ACADSB: variants seen among roughly 807,000 people sequenced by gnomAD.
The protein encoded by ACADSB is short/branched chain specific acyl-CoA dehydrogenase, mitochondrial.
Under a neutral mutation model 54.1 loss-of-function variants are expected in ACADSB, and 40 were observed. That is an observed-to-expected ratio of 0.74 (90% CI 0.57 to 0.96). ACADSB has a LOEUF of 0.96. ACADSB is among the 40% of genes least tolerant of loss of function. ACADSB has a pLI of 0.00. For synonymous variants in ACADSB, 182 were observed against 182.8 expected, an observed-to-expected ratio of 1.00 and a Z score of 0.03; for missense variants, 530 against 510.4, an observed-to-expected ratio of 1.04 and a Z score of -0.37.
rs565684501 is a variant in ACADSB at position 123,048,710 on chromosome 10, G to GTATT, written c.990+1430_990+1433dup. 5.1e-3 allele frequency among the ~76,000 whole-genome samples: 773 copies of GTATT among 151,806 alleles called. 3 individuals carry two copies. The highest frequency in any genetic ancestry group is 0.017 in the African/African-American group (699 of 41,444). On this transcript the variant is annotated intron_variant, in intron 8 of 10. Coordinates refer to ENST00000358776, the MANE Select transcript of ACADSB (RefSeq NM_001609.4). ...GAACACTTAGATTTTTAAAATTTAT[G>GTATT]TATTTATTTATTTATTTATTTTTAT...
chr10:123,027,469 A>G, intron 1 of ACADSB: 1 of 450,986 alleles, frequency 2.2e-6, no homozygotes, highest in Non-Finnish European at 4.5e-6. Context: ...AATAAGTCTC[A>G]TGAGATCTGA....
intron 1 of ACADSB, among the ~76,000 whole-genome samples, chr10:123,012,098 A>G (rs1850044208): frequency 6.8e-6 from 1 of 147,834 alleles, no homozygotes; most frequent in Admixed American, 6.7e-5. Flanking sequence ...CGATCCTCCC[A>G]CCTCACCCTC....
Position 123,009,026 on chromosome 10 carries a change from G to C in ACADSB, c.-4G>C, listed in dbSNP as rs766888009. On this transcript the variant is annotated 5_prime_UTR_variant, in exon 1 of 11. Coordinates refer to ENST00000358776, the MANE Select transcript of ACADSB (RefSeq NM_001609.4). ...GGCGCAGAGCGGAGAGGCCTGCGGC[G>C]AGGATGGAGGGCCTGGCAGTGCGGT... 7 of 1,548,040 alleles carry C rather than the reference G, an allele frequency of 4.5e-6. No individual in the cohort carries two copies. Among genetic ancestry groups the C allele is most frequent in the Non-Finnish European group, 8.7e-7 (1 of 1,146,840 alleles).
chr10:123,012,725 C>T (rs770208709), intron 1 of ACADSB, among the ~76,000 whole-genome samples: 3 of 152,032 alleles, frequency 2.0e-5, no homozygotes, highest in African/African-American at 7.2e-5. Flanking sequence ...TGCAGACCTT[C>T]GCGGTGAGTG....
chr10:123,009,101 G>T (rs1010615110), intron 1 of ACADSB, 30 bp downstream of exon 1: 73 of 1,542,136 alleles, frequency 4.7e-5, no homozygotes, highest in Non-Finnish European at 6.4e-5. Context: ...GCGTCCTGGG[G>T]GCCCAGGGCG....
chr10:123,021,542 T>G (rs1850184238), intron 1 of ACADSB, among the ~76,000 whole-genome samples: 2 of 152,224 alleles, frequency 1.3e-5, no homozygotes, highest in African/African-American at 4.8e-5. Flanking sequence ...TCCCATGGCT[T>G]CTTATAATCT....
chr10:123,014,794 G>A (rs1249994820), intron 1 of ACADSB, among the ~76,000 whole-genome samples: 1 of 152,234 alleles, frequency 6.6e-6, no homozygotes, highest in African/African-American at 2.4e-5. Context: ...GCAGTTTTAG[G>A]TAAAGCAGCA....
intron 3 of ACADSB, among the ~76,000 whole-genome samples, chr10:123,038,605 A>G (rs1165752552): frequency 1.3e-5 from 2 of 152,192 alleles, no homozygotes; most frequent in South Asian, 2.1e-4. Flanking sequence ...TTTTAATACT[A>G]AAGATGTCCC....
intron 1 of ACADSB, among the ~76,000 whole-genome samples, chr10:123,019,531 A>G (rs1210935257): frequency 6.6e-6 from 1 of 152,192 alleles, no homozygotes; most frequent in Non-Finnish European, 1.5e-5. Context: ...TTTGTGCAAT[A>G]TTTTGGTGTT....
rs1488623166 is a variant in ACADSB at position 123,026,748 on chromosome 10, GA to G, written c.43-7606del. 2.6e-5 allele frequency among the ~76,000 whole-genome samples: 4 copies of G among 151,720 alleles called. No individual in the cohort carries two copies. The East Asian group carries it at 7.7e-4, about 29-fold the overall frequency. On this transcript the variant is annotated intron_variant, in intron 1 of 10. Coordinates refer to ENST00000358776, the MANE Select transcript of ACADSB (RefSeq NM_001609.4). ...AATGAAAAAAAAAAAGGAAGGCACAGAATAGGATACATAGTATGCTACATTT... is the reference window on the plus strand; with the variant it reads ...AATGAAAAAAAAAAAGGAAGGCACAGATAGGATACATAGTATGCTACATTT...
chr10:123,030,998 T>A (rs1282477359), intron 1 of ACADSB, among the ~76,000 whole-genome samples: 1 of 152,234 alleles, frequency 6.6e-6, no homozygotes, highest in Non-Finnish European at 1.5e-5. Context: ...TGTGATATAG[T>A]AATGTGTGTT....
At chr10:123,020,876 G>A (rs567893916) in intron 1 of ACADSB, among the ~76,000 whole-genome samples, 37 of 152,260 alleles carry the variant, frequency 2.4e-4, no homozygotes, top group African/African-American at 7.7e-4. Context: ...GATGGCACGC[G>A]GCTGTAATCC....
In ACADSB at chr10:123,051,188, TA is replaced by T. The variant is rs10571424; in HGVS notation, c.1128+26del. 0.1 allele frequency: 100,875 copies of T among 991,554 alleles called. 77 individuals carry two copies. Among genetic ancestry groups the T allele is most frequent in the African/African-American group, 0.14 (4,796 of 35,288 alleles). The allele number at this position is 991,554 out of a possible 1,614,324, so 61.4% of individuals were successfully genotyped here. On this transcript the variant is annotated splice_donor_region_variant and intron_variant, in intron 9 of 10. Transcript: ENST00000358776. ...ATGGCCAAATACTATGCATCAGAGG[TA>T]AAAAAAAAAAAAAAAAAAAAAAAGG...
chr10:123,047,363 G>A, intron 8 of ACADSB, 65 bp downstream of exon 8: 1 of 1,163,586 alleles, frequency 8.6e-7, no homozygotes, highest in East Asian at 2.4e-5. Context: ...ATGAAGGGCT[G>A]TGTTGAAATC....
intron 8 of ACADSB, among the ~76,000 whole-genome samples, chr10:123,048,433 T>A (rs1426100088): frequency 6.6e-6 from 1 of 152,110 alleles, no homozygotes; most frequent in Non-Finnish European, 1.5e-5. Context: ...GTAGAGGTTT[T>A]TTTTTTGTCT....
intron 1 of ACADSB, among the ~76,000 whole-genome samples, chr10:123,012,049 C>T (rs1255273305): frequency 6.6e-6 from 1 of 151,862 alleles, no homozygotes; most frequent in Non-Finnish European, 1.5e-5. Flanking sequence ...TGAGGTCTCA[C>T]TGTGTTGGCC....
chr10:123,050,546 T>A (rs1198014490), intron 8 of ACADSB, among the ~76,000 whole-genome samples: 1 of 152,234 alleles, frequency 6.6e-6, no homozygotes, highest in Admixed American at 6.5e-5. Context: ...ATGGACCTAA[T>A]CACCCTCTAA....
intron 2 of ACADSB, 29 bp from the exon 3 acceptor site, chr10:123,037,718 A>G: frequency 6.8e-7 from 1 of 1,477,224 alleles, no homozygotes; most frequent in Admixed American, 1.7e-5. Flanking sequence ...ACTTTAACAT[A>G]GACTTATCAG....
intron 1 of ACADSB, among the ~76,000 whole-genome samples, chr10:123,021,630 T>C (rs1336369855): frequency 2.6e-5 from 4 of 152,206 alleles, no homozygotes; most frequent in African/African-American, 9.7e-5. Context: ...ATAACACATA[T>C]ATAACTACAC....
Sources: gnomAD v4.1 joint callset for allele counts (sites outside exome capture counted in the v4.1 genomes callset) on GRCh38, gnomAD v4.1.1 for gene constraint, MANE v1.5 for transcripts, NCBI Gene and HGNC (gene_info 2026-07-23, HGNC 2026-07-21) for gene names.